The following IL5RA variants were observed in gnomAD, a reference collection of about 807,000 sequenced individuals.
The protein encoded by IL5RA is interleukin 5 receptor subunit alpha, also known as interleukin-5 receptor subunit alpha.
IL5RA carries 49 observed loss-of-function variants against 50.0 expected under a neutral mutation model. That is an observed-to-expected ratio of 0.98 (90% CI 0.78 to 1.24). The LOEUF is 1.24. Ranked by LOEUF, IL5RA falls within the 50% of genes most tolerant of loss-of-function variation. The probability of loss-of-function intolerance (pLI) is 0.00; values close to 1 mark genes in which losing one functional copy is unlikely to be tolerated. For synonymous variants in IL5RA, 202 were observed against 174.0 expected (o/e 1.16, Z -1.26); for missense variants, 600 against 500.4 (o/e 1.20, Z -1.90).
In IL5RA at chr3:3,104,021, C is replaced by A. The variant is rs187485738; in HGVS notation, c.82+882G>T. ...TACGGTAGCCACTGGCAACTTGTGG[C>A]TATTGAAATTTTATTTAATTAATCA... is the stretch of plus-strand genomic sequence containing the variant. On this transcript the variant is annotated intron_variant, in intron 3 of 11. Coordinates refer to ENST00000446632, the MANE Select transcript of IL5RA (RefSeq NM_175726.4). 1.5e-3 allele frequency among the ~76,000 whole-genome samples: 223 copies of A among 152,290 alleles called. 3 individuals are homozygous for A. Among genetic ancestry groups the A allele is most frequent in the Non-Finnish European group, 1.6e-3 (106 of 68,026 alleles).
intron 9 of IL5RA, among the ~76,000 whole-genome samples, chr3:3,078,855 T>C (rs2125956951): frequency 6.8e-6 from 1 of 146,252 alleles, no homozygotes; most frequent in Admixed American, 6.7e-5. Context: ...AAAAAAAAAT[T>C]ATTTAAGGGA....
chr3:3,085,720 C>T (rs1202180736), intron 9 of IL5RA, among the ~76,000 whole-genome samples: 1 of 152,122 alleles, frequency 6.6e-6, no homozygotes, highest in Non-Finnish European at 1.5e-5. Context: ...TTCCTTCCAG[C>T]CCATATTGCC....
At chr3:3,109,871 T>TA (rs1383747578) in intron 1 of IL5RA, 74 bp downstream of exon 1, 1 of 152,200 alleles carries the variant, frequency 6.6e-6, no homozygotes, top group Non-Finnish European at 1.5e-5. Flanking sequence ...AGGGTATTGT[T>TA]ACAGCCCATG....
chr3:3,093,468 T>C (rs1703222932), intron 8 of IL5RA, among the ~76,000 whole-genome samples: 1 of 152,224 alleles, frequency 6.6e-6, no homozygotes. Context: ...TTGGCTATAT[T>C]TAATTTTTTC....
intron 9 of IL5RA, chr3:3,089,878 G>A (rs1294710756): frequency 2.1e-5 from 4 of 192,518 alleles, no homozygotes; most frequent in Admixed American, 1.1e-4. Flanking sequence ...CTCCCAAAGT[G>A]CTGGGATTAC....
In IL5RA at chr3:3,103,743, A is replaced by C. The variant is rs574240753; in HGVS notation, c.83-923T>G. Among the ~76,000 whole-genome samples the C allele has an allele frequency of 5.9e-5, 9 of 152,322 alleles. No homozygotes were observed. The East Asian group carries it at 1.7e-3, about 29-fold the overall frequency. ...AGAAAGAAGAAAATAAATTTTTTAA[A>C]ATAATTGTACCACTAAGAATGGAAT... On this transcript the variant is annotated intron_variant, in intron 3 of 11. Transcript: ENST00000446632.
intron 5 of IL5RA, among the ~76,000 whole-genome samples, chr3:3,100,060 G>A (rs556928963): frequency 1.4e-4 from 22 of 152,254 alleles, no homozygotes; most frequent in African/African-American, 4.3e-4. Flanking sequence ...TCAACCTCTC[G>A]TTGCTGTATT....
Position 3,071,852 on chromosome 3 carries a change from A to T in IL5RA, c.1177-1541T>A, listed in dbSNP as rs146930339. The stretch of plus-strand genomic sequence containing the variant: ...TGATCTGCCCATTTTGGCCTCTCAA[A>T]GTGCTGGGATTACAGGTATGAGCCA... On this transcript the variant is annotated intron_variant, in intron 11 of 11. Coordinates refer to ENST00000446632, the MANE Select transcript of IL5RA (RefSeq NM_175726.4). 1.8e-4 allele frequency among the ~76,000 whole-genome samples: 28 copies of T among 152,268 alleles called. No homozygotes were observed. In the East Asian group the frequency reaches 5.4e-3, roughly 29 times the overall value.
chr3:3,067,671 A>G lies in IL5RA; in HGVS notation c.*2554T>C, dbSNP rs1574968726. ...GAATGACTATGAGTTGCACAGGGCAAGAAGGGAGGAAGGAGTTCCCAATCC... is the reference window on the plus strand; with the variant it reads ...GAATGACTATGAGTTGCACAGGGCAGGAAGGGAGGAAGGAGTTCCCAATCC... On this transcript the variant is annotated 3_prime_UTR_variant, in exon 12 of 12. Coordinates refer to ENST00000446632, the MANE Select transcript of IL5RA (RefSeq NM_175726.4). The G allele has an allele frequency of 6.6e-6, 1 of 152,314 alleles. No homozygotes were observed. Among genetic ancestry groups the G allele is most frequent in the Non-Finnish European group, 1.5e-5 (1 of 68,102 alleles). The allele number at this position is 152,314 out of a possible 1,614,324, so 9.4% of individuals were successfully genotyped here. A position where few individuals can be genotyped will look rare whatever the true frequency, so the allele number is the denominator to read the frequency against.
At chr3:3,107,381 A>AAACAAC (rs4054761) in intron 2 of IL5RA, among the ~76,000 whole-genome samples, 4,211 of 150,918 alleles carry the variant, frequency 0.028, 154 homozygotes, top group African/African-American at 0.082. Flanking sequence ...TCCCTGCTTA[A>AAACAAC]AACAACAACA....
rs1330758071 is a variant in IL5RA at position 3,102,716 on chromosome 3, G to T, written c.187C>A (p.Leu63Ile). 2 of 1,607,100 alleles carry T rather than the reference G, an allele frequency of 1.2e-6. No individual in the cohort carries two copies. The highest frequency in any genetic ancestry group is 2.7e-5 in the African/African-American group (2 of 74,622). Residue 63 changes from leucine (L) to isoleucine (I), a missense_variant, in exon 4 of 12, where the codon CTA becomes ATA. Coordinates refer to ENST00000446632, the MANE Select transcript of IL5RA (RefSeq NM_175726.4). ...NPDQEQRNVN[L>I]EYQVKINAPK... is the part of the protein sequence containing the mutation. The stretch of plus-strand genomic sequence containing the variant: ...GCGTTTATTTTCACTTGATATTCTA[G>T]ATTAACATTCCTTTGCTCTTGATCA...
intron 10 of IL5RA, among the ~76,000 whole-genome samples, chr3:3,076,010 T>C (rs901904948): frequency 2.6e-5 from 4 of 152,222 alleles, no homozygotes; most frequent in Non-Finnish European, 5.9e-5. Context: ...GGGATACTTA[T>C]GGACCATTTG....
chr3:3,089,240 C>A (rs1702992865), intron 9 of IL5RA, among the ~76,000 whole-genome samples: 1 of 152,212 alleles, frequency 6.6e-6, no homozygotes. Context: ...GTGAGGGCTA[C>A]CCCTGTAAGG....
intron 3 of IL5RA, 142 bp from the exon 4 acceptor site, chr3:3,102,962 G>T: frequency 1.7e-6 from 1 of 577,426 alleles, no homozygotes; most frequent in Non-Finnish European, 2.9e-6. Flanking sequence ...CTGCGTGCCT[G>T]TAACACCGGG....
chr3:3,108,050 C>T (rs570054301), intron 2 of IL5RA, among the ~76,000 whole-genome samples: 3 of 152,258 alleles, frequency 2.0e-5, no homozygotes, highest in African/African-American at 7.2e-5. Context: ...CAGACTCAAC[C>T]TTAGTGGCAG....
At position 3,097,943 on chromosome 3, in the gene IL5RA, C is replaced by G; in HGVS notation, c.636G>C (p.Ala212=). 1 of 1,614,144 alleles carries G rather than the reference C, an allele frequency of 6.2e-7. No homozygotes were observed. The highest frequency in any genetic ancestry group is 8.5e-7 in the Non-Finnish European group (1 of 1,180,030). The change falls in exon 7 of 12, where the codon GCG becomes GCC. Residue 212 remains alanine, a synonymous_variant. Coordinates refer to ENST00000446632, the MANE Select transcript of IL5RA (RefSeq NM_175726.4). ...GCTTGCTGGAGCCGTTAACAAGCAC[C>G]GCAAGCCAGTCACGCCCTTTGCTGA... ...FILSKGRDWL[A]VLVNGSSKHS...
intron 8 of IL5RA, among the ~76,000 whole-genome samples, chr3:3,093,634 G>C (rs922542417): frequency 6.6e-6 from 1 of 152,166 alleles, no homozygotes; most frequent in African/African-American, 2.4e-5. Context: ...TTTCTCACCA[G>C]ACTAGTTTCT....
rs1263195003 is a variant in IL5RA at position 3,108,537 on chromosome 3, C to A, written c.-4+13G>T. ...TGCAATTTGTCATCTCACATCCATGCTCCTGGGCGTACCTGTCTACAGACG... is the reference window on the plus strand; with the variant it reads ...TGCAATTTGTCATCTCACATCCATGATCCTGGGCGTACCTGTCTACAGACG... On this transcript the variant is annotated intron_variant, in intron 2 of 11. Coordinates refer to ENST00000446632, the MANE Select transcript of IL5RA (RefSeq NM_175726.4). 6.6e-6 allele frequency: 1 copy of A among 152,250 alleles called. No homozygotes were observed. Among genetic ancestry groups the A allele is most frequent in the African/African-American group, 2.4e-5 (1 of 41,468 alleles). The allele number at this position is 152,250 out of a possible 1,614,324, so 9.4% of individuals were successfully genotyped here. A position where few individuals can be genotyped will look rare whatever the true frequency, so the allele number is the denominator to read the frequency against.
chr3:3,095,391 A>T lies in IL5RA; in HGVS notation c.763T>A (p.Ser255Thr). 6.2e-7 allele frequency: 1 copy of T among 1,611,440 alleles called. No individual in the cohort carries two copies. Among genetic ancestry groups the T allele is most frequent in the Non-Finnish European group, 8.5e-7 (1 of 1,177,596 alleles). Residue 255 changes from serine to threonine, a missense_variant, in exon 8 of 12, where the codon TCT becomes ACT. Transcript: ENST00000446632. ...GACACTGGTTTCTCCCATTGGATAG[A>T]GAGACGAGTTCCTTCAATCTCTGCT... is the stretch of plus-strand genomic sequence containing the variant. Reference protein sequence around the residue: ...VTAEIEGTRLSIQWEKPVSAF... With the variant: ...VTAEIEGTRLTIQWEKPVSAF...
Sources: allele counts gnomAD v4.1 joint callset (sites outside exome capture counted in the v4.1 genomes callset), GRCh38; gene constraint gnomAD v4.1.1; transcripts MANE v1.5; gene names NCBI Gene and HGNC (gene_info 2026-07-23, HGNC 2026-07-21).